The following PRKCE variants were observed in gnomAD, a reference collection of about 807,000 sequenced individuals.
The protein encoded by PRKCE is protein kinase C epsilon type.
Under a neutral mutation model 85.4 loss-of-function variants are expected in PRKCE, and 16 were observed. The ratio of observed to expected loss-of-function variants is 0.19; its 90% CI spans 0.13 to 0.28. PRKCE has a LOEUF of 0.28. Among genes scored for constraint, PRKCE ranks in the 10% least tolerant of loss-of-function variants. PRKCE has a pLI of 1.00. For synonymous variants in PRKCE, 388 were observed against 371.5 expected (o/e 1.04, Z -0.51); for missense variants, 573 against 975.2 (o/e 0.59, Z 5.49).
intron 5 of PRKCE, among the ~76,000 whole-genome samples, chr2:45,981,634 G>C (rs1223642026): frequency 6.6e-6 from 1 of 152,184 alleles, no homozygotes; most frequent in African/African-American, 2.4e-5. Context: ...CCCGACTCCT[G>C]GTCTAGGATC....
At chr2:45,866,647 A>T (rs1431032555) in intron 2 of PRKCE, among the ~76,000 whole-genome samples, 1 of 152,214 alleles carries the variant, frequency 6.6e-6, no homozygotes, top group African/African-American at 2.4e-5. Flanking sequence ...GAAGCAGGCG[A>T]CGGTGTTAAT....
intron 1 of PRKCE, among the ~76,000 whole-genome samples, chr2:45,733,095 C>T (rs564405593): frequency 6.6e-6 from 1 of 152,266 alleles, no homozygotes; most frequent in South Asian, 2.1e-4. Flanking sequence ...AGATTTGGCC[C>T]TGGGGCTGCG....
At chr2:45,826,127 C>G (rs967230129) in intron 1 of PRKCE, among the ~76,000 whole-genome samples, 3 of 152,136 alleles carry the variant, frequency 2.0e-5, no homozygotes, top group African/African-American at 4.8e-5. Context: ...TTTTCAGACA[C>G]CGGAGCAGAT....
intron 2 of PRKCE, among the ~76,000 whole-genome samples, chr2:45,967,053 G>A (rs1346285089): frequency 6.6e-6 from 1 of 152,160 alleles, no homozygotes; most frequent in Non-Finnish European, 1.5e-5. Flanking sequence ...ATCTCCTCAG[G>A]GCCAGGGGTG....
intron 1 of PRKCE, among the ~76,000 whole-genome samples, chr2:45,728,638 T>C (rs994516131): frequency 6.6e-6 from 1 of 152,332 alleles, no homozygotes; most frequent in East Asian, 1.9e-4. Flanking sequence ...CTCAGCCCCT[T>C]GTTTTACAGA....
Position 45,978,930 on chromosome 2 carries a change from T to C in PRKCE, c.573-46T>C, listed in dbSNP as rs767804957. Reference sequence around the variant, plus strand: ...TGGTTTTTCTGTTTGTTTTTTGACCTGGTAAGATTTCACTTTTTTTAAAAA... The same window carrying C: ...TGGTTTTTCTGTTTGTTTTTTGACCCGGTAAGATTTCACTTTTTTTAAAAA... On this transcript the variant is annotated intron_variant, in intron 3 of 14. Coordinates refer to ENST00000306156, the MANE Select transcript of PRKCE (RefSeq NM_005400.3). 3.8e-6 allele frequency: 6 copies of C among 1,577,908 alleles called. No individual in the cohort carries two copies. In the South Asian group the frequency reaches 6.7e-5, roughly 18 times the overall value.
At chr2:45,791,867 T>C (rs1687062307) in intron 1 of PRKCE, among the ~76,000 whole-genome samples, 1 of 152,174 alleles carries the variant, frequency 6.6e-6, no homozygotes, top group Non-Finnish European at 1.5e-5. Context: ...CCGGTTCAAA[T>C]ACATTTGACC....
rs1210254842 is a variant in PRKCE at position 45,984,651 on chromosome 2, G to C, written c.794G>C (p.Gly265Ala). The change falls in exon 6 of 15, where the codon GGA becomes GCA. Residue 265 changes from glycine (G) to alanine (A), a missense_variant. This residue lies in a region of PRKCE where 55 missense variants were observed against 128.1 expected (regional missense o/e 0.43). Coordinates refer to ENST00000306156, the MANE Select transcript of PRKCE (RefSeq NM_005400.3). ...GATCACTGTGGGTCCCTGCTCTGGG[G>C]ACTCTTGCGGCAGGGTTTGCAGTGT... ...FCDHCGSLLW[G>A]LLRQGLQCKV... 6.3e-7 allele frequency: 1 copy of C among 1,599,566 alleles called. No homozygotes were observed. Among genetic ancestry groups the C allele is most frequent in the Non-Finnish European group, 8.5e-7 (1 of 1,179,862 alleles).
intron 1 of PRKCE, among the ~76,000 whole-genome samples, chr2:45,754,160 G>C (rs1356003156): frequency 6.6e-6 from 1 of 152,184 alleles, no homozygotes; most frequent in African/African-American, 2.4e-5. Flanking sequence ...ATCTGAGGTG[G>C]GGAAAGCAGG....
At chr2:45,780,889 G>A (rs185515952) in intron 1 of PRKCE, among the ~76,000 whole-genome samples, 11 of 152,220 alleles carry the variant, frequency 7.2e-5, no homozygotes, top group South Asian at 2.1e-4. Flanking sequence ...AGCTCATCCC[G>A]TTGACACTGC....
chr2:46,183,979 A>G (rs954380314), intron 14 of PRKCE, among the ~76,000 whole-genome samples: 9 of 152,166 alleles, frequency 5.9e-5, no homozygotes, highest in Non-Finnish European at 1.3e-4. Context: ...CATAAGGCAC[A>G]CAGTTGTACC....
intron 2 of PRKCE, among the ~76,000 whole-genome samples, chr2:45,930,452 A>C (rs985518402): frequency 6.6e-6 from 1 of 152,200 alleles, no homozygotes; most frequent in Non-Finnish European, 1.5e-5. Flanking sequence ...AACATAAGGC[A>C]TGTCTCCAGA....
intron 1 of PRKCE, among the ~76,000 whole-genome samples, chr2:45,725,412 C>T (rs1680974096): frequency 6.6e-6 from 1 of 152,166 alleles, no homozygotes; most frequent in Non-Finnish European, 1.5e-5. Context: ...GCCCATGGAT[C>T]AAGGAGTAAT....
intron 10 of PRKCE, among the ~76,000 whole-genome samples, chr2:46,085,860 G>A (rs1367676288): frequency 6.8e-6 from 1 of 146,374 alleles, no homozygotes; most frequent in Non-Finnish European, 1.5e-5. Flanking sequence ...CACATATAAA[G>A]ACAACTGGAG....
In PRKCE at chr2:46,001,375, A is replaced by C. The variant is rs79631384; in HGVS notation, c.824-29A>C. On this transcript the variant is annotated intron_variant, in intron 6 of 14. Transcript: ENST00000306156. This position sits in a 1 kb window ranked among gnomAD's most constrained non-coding sequence, Gnocchi z 4.4. ...GCAACATCTTAGGCCATGAACACTT[A>C]TCTGTCTTTTCTCCATGTCTCCTTA... 14,463 of 1,587,806 alleles carry C rather than the reference A, an allele frequency of 9.1e-3. 83 individuals carry two copies. The highest frequency in any genetic ancestry group is 0.011 in the Non-Finnish European group (12,603 of 1,171,612).
At chr2:45,944,605 C>T (rs1193429718) in intron 2 of PRKCE, among the ~76,000 whole-genome samples, 4 of 151,416 alleles carry the variant, frequency 2.6e-5, no homozygotes, top group Non-Finnish European at 5.9e-5. Context: ...ACTCCCGCCT[C>T]AGTCTCCCAA....
At chr2:45,867,098 T>G (rs1693676541) in intron 2 of PRKCE, among the ~76,000 whole-genome samples, 1 of 152,228 alleles carries the variant, frequency 6.6e-6, no homozygotes, top group Non-Finnish European at 1.5e-5. Context: ...TAGTCAGAGT[T>G]GAGCCTCACT....
chr2:46,183,628 A>G (rs1680211202), intron 14 of PRKCE, among the ~76,000 whole-genome samples: 1 of 151,990 alleles, frequency 6.6e-6, no homozygotes, highest in Non-Finnish European at 1.5e-5. Context: ...CCCATGCCGC[A>G]CTCTGCCCCT....
chr2:45,673,521 C>G (rs867644594), intron 1 of PRKCE, among the ~76,000 whole-genome samples: 5 of 152,220 alleles, frequency 3.3e-5, no homozygotes, highest in African/African-American at 7.2e-5. Flanking sequence ...GTCTTAGAAT[C>G]TGGACCCTAC....
Sources: allele counts gnomAD v4.1 joint callset (sites outside exome capture counted in the v4.1 genomes callset), GRCh38; gene constraint gnomAD v4.1.1; regional missense constraint gnomAD v4.1.1; non-coding constraint Gnocchi (gnomAD v3.1); transcripts MANE v1.5; gene names NCBI Gene and HGNC (gene_info 2026-07-23, HGNC 2026-07-21).